SLC38A10: variants seen among roughly 807,000 people sequenced by gnomAD.
SLC38A10 encodes the protein Sodium-coupled neutral amino acid transporter 10.
SLC38A10 carries 53 observed loss-of-function variants against 81.0 expected under a neutral mutation model. That is an observed-to-expected ratio of 0.65 (90% CI 0.53 to 0.82). SLC38A10 has a LOEUF of 0.82. SLC38A10 is among the 40% of genes least tolerant of loss of function. The probability of loss-of-function intolerance (pLI) is 0.00; values close to 1 mark genes in which losing one functional copy is unlikely to be tolerated. For synonymous variants in SLC38A10, 665 were observed against 655.3 expected (o/e 1.01, Z -0.23); for missense variants, 1,471 against 1,545.0 (o/e 0.95, Z 0.80).
chr17:81,261,379 TC>T, intron 10 of SLC38A10, among the ~76,000 whole-genome samples: 1 of 152,324 alleles, frequency 6.6e-6, no homozygotes, highest in South Asian at 2.1e-4. Flanking sequence ...AAGCGCTAAC[TC>T]CCGGTTGGGC....
rs768927562 is a variant in SLC38A10 at position 81,280,608 on chromosome 17, C to T, written c.626+1G>A. ...ACCACAGACCACAGCAGGACACTTA[C>T]GACTGGCAGGCGAAGGACATGCCGA... On this transcript the variant is annotated splice_donor_variant, in intron 6 of 15. Coordinates refer to ENST00000374759, the MANE Select transcript of SLC38A10 (RefSeq NM_001037984.3). LOFTEE classifies it high-confidence loss of function. 15 of 1,613,500 alleles carry T rather than the reference C, an allele frequency of 9.3e-6. No homozygotes were observed. The highest frequency in any genetic ancestry group is 4.5e-5 in the East Asian group (2 of 44,888).
intron 14 of SLC38A10, 50 bp downstream of exon 14, chr17:81,251,443 G>T (rs780796707): frequency 1.2e-6 from 2 of 1,607,240 alleles, no homozygotes; most frequent in East Asian, 4.5e-5. Flanking sequence ...GGGGGAGGGG[G>T]CTGCCGCTCC....
At position 81,252,565 on chromosome 17, in the gene SLC38A10, T is replaced by C; in HGVS notation, c.1575A>G (p.Arg525=). 1.2e-6 allele frequency: 2 copies of C among 1,613,482 alleles called. No individual in the cohort carries two copies. The highest frequency in any genetic ancestry group is 1.7e-6 in the Non-Finnish European group (2 of 1,180,030). ...EVPEENKPPS[R]HAGGKAPGVQ... ...CCCCTGGAGCCTTTCCGCCCGCGTG[T>C]CTGGATGGAGGTTTGTTCTCTTCTG... The change falls in exon 13 of 16, where the codon AGA becomes AGG. Residue 525 remains arginine (R), a synonymous_variant. Transcript: ENST00000374759.
At chr17:81,262,761 C>T (rs2063034822) in intron 10 of SLC38A10, among the ~76,000 whole-genome samples, 1 of 152,234 alleles carries the variant, frequency 6.6e-6, no homozygotes. Flanking sequence ...CCCCTCCAGG[C>T]CTCAAACGCT....
At position 81,286,557 on chromosome 17, in the gene SLC38A10, G is replaced by A. The variant is rs2063268589; in HGVS notation, c.218-1662C>T. On this transcript the variant is annotated intron_variant, in intron 2 of 15. Transcript: ENST00000374759. This position sits in a 1 kb window ranked among gnomAD's most constrained non-coding sequence, Gnocchi z 6.0. The stretch of plus-strand genomic sequence containing the variant: ...CACATCCTGCGTGGACTGGCACAGA[G>A]AAAGGGAGGAAGAGGCTGAAGCGCC... 6.6e-6 allele frequency among the ~76,000 whole-genome samples: 1 copy of A among 152,252 alleles called. No individual in the cohort carries two copies. Among genetic ancestry groups the A allele is most frequent in the African/African-American group, 2.4e-5 (1 of 41,466 alleles).
Position 81,252,379 on chromosome 17 carries a change from T to TCCTTTGCA in SLC38A10, c.1760_1761insTGCAAAGG (p.Val589LysfsTer119), listed in dbSNP as rs1348938808. On this transcript the variant is annotated frameshift_variant, in exon 13 of 16. Transcript: ENST00000374759. LOFTEE classifies it high-confidence loss of function. ...GGTCCTCCTTTGCAGGCTGGACAGC[T>TCCTTTGCA]GGCTGACCATCTGCTTCTGGAACTT... is the stretch of plus-strand genomic sequence containing the variant. The TCCTTTGCA allele has an allele frequency of 1.2e-6, 2 of 1,613,208 alleles. No individual in the cohort carries two copies. The highest frequency in any genetic ancestry group is 1.7e-6 in the Non-Finnish European group (2 of 1,180,010).
At chr17:81,249,882 G>C (rs1356675113) in intron 14 of SLC38A10, among the ~76,000 whole-genome samples, 1 of 152,162 alleles carries the variant, frequency 6.6e-6, no homozygotes, top group East Asian at 1.9e-4. Flanking sequence ...ACACAAGGGA[G>C]CAGAGTGGGC....
chr17:81,248,016 G>A (rs1297522221), intron 14 of SLC38A10, among the ~76,000 whole-genome samples: 4 of 135,174 alleles, frequency 3.0e-5, no homozygotes, highest in African/African-American at 1.1e-4. Context: ...GGAGTGCAGT[G>A]GCGCGATCTC....
intron 8 of SLC38A10, 44 bp downstream of exon 8, chr17:81,275,925 T>C: frequency 6.4e-7 from 1 of 1,572,542 alleles, no homozygotes; most frequent in Non-Finnish European, 8.7e-7. Flanking sequence ...GAAGCGAGCC[T>C]GACCTGTGCT....
chr17:81,260,902 C>T (rs1245493270), intron 10 of SLC38A10, among the ~76,000 whole-genome samples: 2 of 152,276 alleles, frequency 1.3e-5, no homozygotes, highest in Admixed American at 6.5e-5. Context: ...GTCCGCAAAG[C>T]GAGTGCTCCT....
At chr17:81,271,220 G>C (rs749675238) in intron 9 of SLC38A10, among the ~76,000 whole-genome samples, 196 bp from the exon 10 acceptor site, 100 of 152,246 alleles carry the variant, frequency 6.6e-4, no homozygotes, top group Admixed American at 1.6e-3. Context: ...AGTGCATTTA[G>C]GCCCCGGGGT....
At position 81,251,923 on chromosome 17, in the gene SLC38A10, C is replaced by T. The variant is rs535926827; in HGVS notation, c.1945+272G>A. On this transcript the variant is annotated intron_variant, in intron 13 of 15. Transcript: ENST00000374759. Reference sequence around the variant, plus strand: ...TACCTGTCAGGCGCCCCCCGCGCCGCCCCCCGTGTGCGCCCAGACACACGA... The same window carrying T: ...TACCTGTCAGGCGCCCCCCGCGCCGTCCCCCGTGTGCGCCCAGACACACGA... 22 of 541,068 alleles carry T rather than the reference C, an allele frequency of 4.1e-5. 1 individual carries two copies. Among genetic ancestry groups the T allele is most frequent in the African/African-American group, 1.4e-4 (7 of 51,260 alleles). The allele number at this position is 541,068 out of a possible 1,614,324, so 33.5% of individuals were successfully genotyped here.
At position 81,246,100 on chromosome 17, in the gene SLC38A10, G is replaced by A. The variant is rs368621227; in HGVS notation, c.2816C>T (p.Ala939Val). The A allele has an allele frequency of 2.3e-4, 371 of 1,608,034 alleles. No homozygotes were observed. The highest frequency in any genetic ancestry group is 2.9e-4 in the Non-Finnish European group (345 of 1,179,390). The part of the protein sequence containing the change: ...KQVSRDLGLA[A>V]DLPGGAEGAA... ...TCCTTCCGCCCCACCGGGCAGGTCC[G>A]CTGCAAGGCCCAGGTCTCGGCTCAC... is the stretch of plus-strand genomic sequence containing the variant. Residue 939 changes from alanine to valine, a missense_variant, in exon 16 of 16, where the codon GCG becomes GTG. Physicochemically the swap from Ala to Val is moderately conservative, Grantham distance 64 (BLOSUM62 0). This residue lies in a region of SLC38A10 where 751 missense variants were observed against 717.4 expected (regional missense o/e 1.05). Coordinates refer to ENST00000374759, the MANE Select transcript of SLC38A10 (RefSeq NM_001037984.3).
At chr17:81,282,920 T>C (rs917111512) in intron 4 of SLC38A10, among the ~76,000 whole-genome samples, 1 of 152,114 alleles carries the variant, frequency 6.6e-6, no homozygotes, top group African/African-American at 2.4e-5. Flanking sequence ...CCCTGCCCAG[T>C]GAGGGGCTCT....
Position 81,245,383 on chromosome 17 carries a change from C to T in SLC38A10, c.*173G>A, listed in dbSNP as rs912632445. The T allele has an allele frequency of 2.8e-5, 22 of 794,158 alleles. No individual in the cohort carries two copies. The highest frequency in any genetic ancestry group is 3.6e-5 in the Non-Finnish European group (19 of 521,926). The allele number at this position is 794,158 out of a possible 1,614,324, so 49.2% of individuals were successfully genotyped here. On this transcript the variant is annotated 3_prime_UTR_variant, in exon 16 of 16. Transcript: ENST00000374759. ...AACGACAGCAAGAACATTCTGGAAA[C>T]GATGCCACAGTGAATCTTTTATACT... is the stretch of plus-strand genomic sequence containing the variant.
rs543313158 is a variant in SLC38A10, at chr17:81,277,478, G to A, written c.627-345C>T. On this transcript the variant is annotated intron_variant, in intron 6 of 15. Transcript: ENST00000374759. The surrounding 1 kb of genome is among the most constrained non-coding windows in gnomAD (Gnocchi z 4.5). Reference sequence around the variant, plus strand: ...GCCGGAGGAGGCTGCTCAGAGAATCGCTGTCAAGAGGAGGGAAAGTTAAAC... The same window carrying A: ...GCCGGAGGAGGCTGCTCAGAGAATCACTGTCAAGAGGAGGGAAAGTTAAAC... Among the ~76,000 whole-genome samples, 3 of 152,350 alleles carry A rather than the reference G, an allele frequency of 2.0e-5. No individual in the cohort carries two copies. Among genetic ancestry groups the A allele is most frequent in the Admixed American group, 1.3e-4 (2 of 15,312 alleles).
chr17:81,250,072 G>T lies in SLC38A10; in HGVS notation c.2065+1421C>A, dbSNP rs1039544999. The T allele has an allele frequency of 1.6e-5, 21 of 1,288,662 alleles. No individual in the cohort carries two copies. In the African/African-American group the frequency reaches 2.9e-4, roughly 18 times the overall value. The allele number at this position is 1,288,662 out of a possible 1,614,324, so 79.8% of individuals were successfully genotyped here. ...AGCACACTCCTTTGGGTTCGTACCT[G>T]CTACTATCTTTTTAATTTCAGCTGC... is the stretch of plus-strand genomic sequence containing the variant. On this transcript the variant is annotated intron_variant, in intron 14 of 15. Coordinates refer to ENST00000374759, the MANE Select transcript of SLC38A10 (RefSeq NM_001037984.3).
intron 1 of SLC38A10, among the ~76,000 whole-genome samples, chr17:81,292,601 G>A (rs1021134236): frequency 6.6e-6 from 1 of 152,232 alleles, no homozygotes; most frequent in Non-Finnish European, 1.5e-5. Flanking sequence ...GGCCAGATCA[G>A]AGCAACTGGG....
intron 14 of SLC38A10, among the ~76,000 whole-genome samples, chr17:81,249,070 C>T (rs1050755526): frequency 6.6e-6 from 1 of 151,992 alleles, no homozygotes; most frequent in African/African-American, 2.4e-5. Flanking sequence ...ATCCCATGTG[C>T]TGGTGACACC....
Sources: allele counts gnomAD v4.1 joint callset (sites outside exome capture counted in the v4.1 genomes callset), GRCh38; gene constraint gnomAD v4.1.1; regional missense constraint gnomAD v4.1.1; non-coding constraint Gnocchi (gnomAD v3.1); transcripts MANE v1.5; gene names NCBI Gene and HGNC (gene_info 2026-07-23, HGNC 2026-07-21).